Variants in KEL observed in about 807,000 individuals in gnomAD.
KEL encodes kell blood group glycoprotein.
In KEL, 96 loss-of-function variants were observed where a neutral mutation model predicts 99.5. That is an observed-to-expected ratio of 0.97 (90% CI 0.82 to 1.14). The LOEUF is 1.14. Ranked by LOEUF, KEL falls within the 50% of genes most tolerant of loss-of-function variation. The pLI is 0.00. For missense variants in KEL, 926 were observed against 924.2 expected, an observed-to-expected ratio of 1.00 and a Z score of -0.03; for synonymous variants, 355 against 354.8, an observed-to-expected ratio of 1.00 and a Z score of -0.01.
intron 5 of KEL, 139 bp from the exon 6 acceptor site, chr7:142,958,112 T>G: frequency 1.5e-6 from 2 of 1,303,946 alleles, no homozygotes; most frequent in Non-Finnish European, 2.2e-6. Flanking sequence ...ACATCTATCC[T>G]TTTTTATCTG....
rs778606734 is a variant in KEL at position 142,952,537 on chromosome 7, A to C, written c.1175T>G (p.Leu392Arg). 1.9e-6 allele frequency: 3 copies of C among 1,614,032 alleles called. No individual in the cohort carries two copies. The South Asian group carries it at 3.3e-5, about 18-fold the overall frequency. The change falls in exon 10 of 19, where the codon CTG (leucine) becomes CGG (arginine). Residue 392 changes from leucine to arginine, a missense_variant. Leu to Arg is a moderately radical substitution (Grantham distance 102). Coordinates refer to ENST00000355265, the MANE Select transcript of KEL (RefSeq NM_000420.3). ...QEARRKLSQKLRELTEQPPMP... is the reference protein window; with the variant it reads ...QEARRKLSQKRRELTEQPPMP... Reference sequence around the variant, plus strand: ...GGGTGGTTGCTCTGTCAGTTCCCGCAGTTTCTGGCTGAGCTTTCTGCGTGC... The same window carrying C: ...GGGTGGTTGCTCTGTCAGTTCCCGCCGTTTCTGGCTGAGCTTTCTGCGTGC...
chr7:142,957,223 T>C (rs866085077), intron 6 of KEL, among the ~76,000 whole-genome samples: 2 of 152,070 alleles, frequency 1.3e-5, no homozygotes, highest in Admixed American at 6.6e-5. Flanking sequence ...CCAGGTTCAG[T>C]GTGGGGGATG....
chr7:142,943,283 G>A lies in KEL; in HGVS notation c.1764C>T (p.Tyr588=), dbSNP rs1025731174. The A allele has an allele frequency of 1.2e-6, 2 of 1,613,848 alleles. No homozygotes were observed. Among genetic ancestry groups the A allele is most frequent in the Admixed American group, 1.7e-5 (1 of 59,968 alleles). Residue 588 remains tyrosine (Y), a synonymous_variant, in exon 16 of 19, where the codon TAC becomes TAT. Transcript: ENST00000355265. ...GTGGCCCCTGTTACCCACAGAGCTG[G>A]TAGAAGATGTGCAACAGCTCGTGGG... ...IMAHELLHIF[Y]QLLLPGGCLA...
intron 10 of KEL, among the ~76,000 whole-genome samples, chr7:142,951,696 A>G (rs932306614): frequency 6.6e-6 from 1 of 152,152 alleles, no homozygotes; most frequent in Non-Finnish European, 1.5e-5. Context: ...AGCAATAACT[A>G]CATTCCAGTC....
intron 3 of KEL, 60 bp downstream of exon 3, chr7:142,961,300 G>T: frequency 6.2e-7 from 1 of 1,607,520 alleles, no homozygotes; most frequent in Non-Finnish European, 8.5e-7. Flanking sequence ...CAGGGACTGG[G>T]CCTGGGCCCC....
chr7:142,958,480 C>A, intron 4 of KEL, 52 bp from the exon 5 acceptor site: 3 of 1,581,908 alleles, frequency 1.9e-6, no homozygotes, highest in Non-Finnish European at 2.6e-6. Context: ...TTTTATCTTG[C>A]CCCAAATTCC....
Position 142,958,307 on chromosome 7 carries a change from C to T in KEL, c.522G>A (p.Glu174=). ...AGTGPLRQVI[E]ELGGWRISGK... is the part of the protein sequence containing the mutation. The stretch of plus-strand genomic sequence containing the variant: ...TTAATATCCCAACTTTTCTCACCTC[C>T]TCAATAACTTGTCTGAGGGGACCAG... Residue 174 remains glutamate (E), a synonymous_variant, in exon 5 of 19, where the codon GAG becomes GAA. Coordinates refer to ENST00000355265, the MANE Select transcript of KEL (RefSeq NM_000420.3). 3 of 1,614,160 alleles carry T rather than the reference C, an allele frequency of 1.9e-6. No individual in the cohort carries two copies. Among genetic ancestry groups the T allele is most frequent in the South Asian group, 1.1e-5 (1 of 91,086 alleles).
intron 10 of KEL, among the ~76,000 whole-genome samples, chr7:142,949,741 G>A (rs1476221169): frequency 1.3e-5 from 2 of 152,164 alleles, no homozygotes; most frequent in Admixed American, 6.5e-5. Flanking sequence ...TAGTCTGGAC[G>A]AAGATACACT....
intron 11 of KEL, 66 bp from the exon 12 acceptor site, chr7:142,944,807 C>T: frequency 7.9e-7 from 1 of 1,264,080 alleles, no homozygotes; most frequent in Non-Finnish European, 1.1e-6. Flanking sequence ...GCCCTGCCCA[C>T]AGCTTCTGAC....
rs1026076644 is a variant in KEL at position 142,942,060 on chromosome 7, C to T, written c.2037+374G>A. 4.4e-5 allele frequency: 12 copies of T among 269,734 alleles called. No individual in the cohort carries two copies. In the South Asian group the frequency reaches 4.9e-4, roughly 11 times the overall value. 16.7% of individuals were successfully genotyped at this position (269,734 alleles called of 1,614,324 possible). ...CTGATCTCAAGTGATCCGCCCACCT[C>T]GGCCTCCTAGAGTGCCAGGATTACA... On this transcript the variant is annotated intron_variant, in intron 18 of 18. Transcript: ENST00000355265.
intron 4 of KEL, among the ~76,000 whole-genome samples, chr7:142,959,324 A>C (rs1796900909): frequency 6.6e-6 from 1 of 152,166 alleles, no homozygotes; most frequent in African/African-American, 2.4e-5. Flanking sequence ...AAAATAAGAA[A>C]GATGAGAGGA....
chr7:142,945,325 G>T (rs1796496443), intron 11 of KEL, among the ~76,000 whole-genome samples: 1 of 152,238 alleles, frequency 6.6e-6, no homozygotes, highest in Admixed American at 6.5e-5. Context: ...GAATGCCTGA[G>T]TTCAAACCCT....
chr7:142,942,000 G>T (rs1372214965), intron 18 of KEL: 1 of 183,350 alleles, frequency 5.5e-6, no homozygotes, highest in Admixed American at 5.4e-5. Flanking sequence ...GTAGAGACGG[G>T]GTTTCACCAT....
chr7:142,960,816 G>A, intron 4 of KEL, 112 bp downstream of exon 4: 2 of 1,101,324 alleles, frequency 1.8e-6, no homozygotes, highest in Non-Finnish European at 2.8e-6. Flanking sequence ...ATCCCACCTG[G>A]GATGGTGCAA....
In KEL at chr7:142,957,815, T is replaced by G. The variant is rs778509161; in HGVS notation, c.672+12A>C. On this transcript the variant is annotated intron_variant, in intron 6 of 18. Transcript: ENST00000355265. The stretch of plus-strand genomic sequence containing the variant: ...CCAGGTCCAACTGTGTCTTCGCCAG[T>G]GCATCCCTCACCTGGATGACTGGTG... 7 of 1,613,844 alleles carry G rather than the reference T, an allele frequency of 4.3e-6. No homozygotes were observed. The highest frequency in any genetic ancestry group is 5.9e-6 in the Non-Finnish European group (7 of 1,179,974).
At chr7:142,946,077 T>C in intron 11 of KEL, 130 bp downstream of exon 11, 2 of 703,978 alleles carry the variant, frequency 2.8e-6, no homozygotes, top group Middle Eastern at 3.2e-4. Context: ...CCTCTCTCAG[T>C]GGCCCTTCTC....
chr7:142,962,322 A>AGCAGAAGTGCCC lies in KEL; in HGVS notation c.-117_-116insGGGCACTTCTGC. 8.5e-7 allele frequency: 1 copy of AGCAGAAGTGCCC among 1,177,194 alleles called. No homozygotes were observed. The highest frequency in any genetic ancestry group is 1.3e-6 in the Non-Finnish European group (1 of 784,992). The allele number at this position is 1,177,194 out of a possible 1,614,324, so 72.9% of individuals were successfully genotyped here. ...AGTTCCTTGATCCTGGAGAAGGGGC[A>AGCAGAAGTGCCC]CTTCTGCTGCTCTTTCGCCTTGTCC... On this transcript the variant is annotated 5_prime_UTR_variant, in exon 1 of 19. Transcript: ENST00000355265.
chr7:142,947,445 C>T (rs941457758), intron 10 of KEL, among the ~76,000 whole-genome samples: 14 of 152,172 alleles, frequency 9.2e-5, no homozygotes, highest in Admixed American at 1.3e-4. Context: ...GAAGAAAAAA[C>T]TCCCGAACCC....
At chr7:142,958,163 T>C in intron 5 of KEL, 141 bp downstream of exon 5, 8 of 1,363,780 alleles carry the variant, frequency 5.9e-6, no homozygotes, top group Non-Finnish European at 8.3e-6. Flanking sequence ...GGCATAACCA[T>C]TTCCATCTCC....
Sources: gnomAD v4.1 joint callset for allele counts (sites outside exome capture counted in the v4.1 genomes callset) on GRCh38, gnomAD v4.1.1 for gene constraint, MANE v1.5 for transcripts, NCBI Gene and HGNC (gene_info 2026-07-23, HGNC 2026-07-21) for gene names.